The following EYS variants were observed in gnomAD, a reference collection of about 807,000 sequenced individuals.
EYS encodes EGF-like photoreceptor maintenance factor, also known as protein eyes shut homolog.
In EYS, 250 loss-of-function variants were observed where a neutral mutation model predicts 282.1. That is an observed-to-expected ratio of 0.89 (90% CI 0.80 to 0.98). The LOEUF (loss-of-function observed/expected upper bound fraction) is 0.98, where lower values mean the gene tolerates loss of function less well. Ranked by LOEUF, EYS falls within the 50% of genes least tolerant of loss-of-function variation. The pLI is 0.00. For missense variants in EYS, 4,016 were observed against 3,709.0 expected, an observed-to-expected ratio of 1.08 and a Z score of -2.15; for synonymous variants, 1,355 against 1,282.9, an observed-to-expected ratio of 1.06 and a Z score of -1.20.
chr6:64,174,126 C>G (rs1383405502), intron 31 of EYS, among the ~76,000 whole-genome samples: 3 of 152,124 alleles, frequency 2.0e-5, no homozygotes, highest in African/African-American at 7.2e-5. Flanking sequence ...TCAAATCTAT[C>G]TATTTTTATT....
intron 11 of EYS, among the ~76,000 whole-genome samples, chr6:65,328,608 C>T (rs1185474638): frequency 1.3e-5 from 2 of 150,526 alleles, no homozygotes; most frequent in African/African-American, 2.4e-5. Context: ...GAATGTATTG[C>T]TAACTGTATT....
intron 19 of EYS, among the ~76,000 whole-genome samples, chr6:64,841,035 A>T (rs1018065): frequency 0.71 from 107,861 of 151,910 alleles, 38,687 homozygotes; most frequent in Admixed American, 0.76. Context: ...CCCCTGTACA[A>T]AGCTTTTTAA....
At chr6:65,037,217 C>G (rs963937194) in intron 13 of EYS, among the ~76,000 whole-genome samples, 13 of 151,752 alleles carry the variant, frequency 8.6e-5, no homozygotes, top group Non-Finnish European at 1.9e-4. Context: ...GAACAGGAAA[C>G]CAACTACTGC....
In EYS at chr6:64,494,130, C is replaced by T. The variant is rs143387991; in HGVS notation, c.5645-54778G>A. ...CCTGCATTATATGTGTAAAATTCAACTTCTGAACTGAATATATTTCTGTCC... is the reference window on the plus strand; with the variant it reads ...CCTGCATTATATGTGTAAAATTCAATTTCTGAACTGAATATATTTCTGTCC... On this transcript the variant is annotated intron_variant, in intron 26 of 42. Coordinates refer to ENST00000503581, the MANE Select transcript of EYS (RefSeq NM_001142800.2). Among the ~76,000 whole-genome samples the T allele has an allele frequency of 9.2e-5, 14 of 151,726 alleles. No homozygotes were observed. In the East Asian group the frequency reaches 2.7e-3, roughly 30 times the overall value.
At chr6:64,365,202 G>C (rs889823593) in intron 29 of EYS, among the ~76,000 whole-genome samples, 2 of 151,926 alleles carry the variant, frequency 1.3e-5, no homozygotes, top group African/African-American at 4.8e-5. Context: ...ATGAGCTACT[G>C]GCTAGCAAAT....
At chr6:64,104,790 CTT>C (rs1236889438) in intron 31 of EYS, among the ~76,000 whole-genome samples, 2 of 137,838 alleles carry the variant, frequency 1.5e-5, no homozygotes, top group African/African-American at 5.5e-5. Context: ...AGTTTCCAAA[CTT>C]GTTATTTTGC....
chr6:64,443,380 C>T (rs1388611692), intron 26 of EYS, among the ~76,000 whole-genome samples: 1 of 152,146 alleles, frequency 6.6e-6, no homozygotes, highest in African/African-American at 2.4e-5. Context: ...TGCCTTGTCT[C>T]AGATGAGTCT....
chr6:65,505,693 A>T (rs1271121818), intron 2 of EYS, among the ~76,000 whole-genome samples: 3 of 152,108 alleles, frequency 2.0e-5, no homozygotes, highest in African/African-American at 7.2e-5. Flanking sequence ...AAATAATTTG[A>T]CATTTCTTCA....
At chr6:65,627,798 C>T (rs967625423) in intron 2 of EYS, among the ~76,000 whole-genome samples, 1 of 152,222 alleles carries the variant, frequency 6.6e-6, no homozygotes, top group African/African-American at 2.4e-5. Context: ...GGCTCGGGAC[C>T]TGCAGCCCGC....
chr6:64,855,103 G>T (rs899050256), intron 19 of EYS, among the ~76,000 whole-genome samples: 4 of 151,828 alleles, frequency 2.6e-5, no homozygotes, highest in Admixed American at 1.3e-4. Flanking sequence ...TCTACGGTTT[G>T]CATCAGTTTT....
intron 33 of EYS, among the ~76,000 whole-genome samples, chr6:64,013,841 T>A (rs1768760249): frequency 6.6e-6 from 1 of 152,192 alleles, no homozygotes; most frequent in African/African-American, 2.4e-5. Context: ...CTTTTTCTTT[T>A]TGGAATCTAT....
At chr6:64,575,917 T>A (rs1163192903) in intron 26 of EYS, among the ~76,000 whole-genome samples, 2 of 152,110 alleles carry the variant, frequency 1.3e-5, no homozygotes, top group African/African-American at 4.8e-5. Flanking sequence ...TAAATTCATA[T>A]AATCCTCAAA....
intron 19 of EYS, among the ~76,000 whole-genome samples, chr6:64,846,817 T>A (rs1376499137): frequency 1.3e-5 from 2 of 152,118 alleles, no homozygotes; most frequent in Admixed American, 1.3e-4. Context: ...ATGAAATAAA[T>A]TATTGTTTTT....
At chr6:64,972,034 G>C (rs772633153) in intron 14 of EYS, among the ~76,000 whole-genome samples, 4 of 152,042 alleles carry the variant, frequency 2.6e-5, no homozygotes, top group Non-Finnish European at 5.9e-5. Context: ...CATGGTCAGG[G>C]GGTAAAGCGT....
chr6:64,416,254 G>C (rs925281976), intron 28 of EYS, among the ~76,000 whole-genome samples: 11 of 152,120 alleles, frequency 7.2e-5, no homozygotes, highest in Admixed American at 5.9e-4. Context: ...TACTTTCAAA[G>C]TCAAATCCCT....
intron 30 of EYS, among the ~76,000 whole-genome samples, chr6:64,234,638 A>G (rs1053736937): frequency 6.6e-6 from 1 of 152,138 alleles, no homozygotes; most frequent in African/African-American, 2.4e-5. Flanking sequence ...CATCACCACA[A>G]TCTAGCTTTA....
intron 29 of EYS, among the ~76,000 whole-genome samples, chr6:64,353,461 G>T (rs754154641): frequency 1.6e-4 from 25 of 151,550 alleles, no homozygotes; most frequent in Non-Finnish European, 3.0e-4. Context: ...CAACTTAAAA[G>T]ATCTTCCCAT....
intron 12 of EYS, among the ~76,000 whole-genome samples, chr6:65,123,754 C>CACA (rs1554157066): frequency 0.011 from 969 of 86,914 alleles, 12 homozygotes; most frequent in African/African-American, 0.051. Flanking sequence ...TAACACCCAC[C>CACA]CACCCACACA....
intron 31 of EYS, among the ~76,000 whole-genome samples, chr6:64,193,355 G>C (rs1307804219): frequency 6.6e-6 from 1 of 151,704 alleles, no homozygotes; most frequent in Non-Finnish European, 1.5e-5. Context: ...CTGTCACCCA[G>C]GCTGGAGTGC....
Sources: allele counts gnomAD v4.1 joint callset (sites outside exome capture counted in the v4.1 genomes callset), GRCh38; gene constraint gnomAD v4.1.1; transcripts MANE v1.5; gene names NCBI Gene and HGNC (gene_info 2026-07-23, HGNC 2026-07-21).